CDK5RAP2: variants seen among roughly 807,000 people sequenced by gnomAD.
The protein encoded by CDK5RAP2 is CDK5 regulatory subunit-associated protein 2.
Under a neutral mutation model 232.9 loss-of-function variants are expected in CDK5RAP2, and 147 were observed. The ratio of observed to expected loss-of-function variants is 0.63; its 90% CI spans 0.55 to 0.72. CDK5RAP2 has a LOEUF of 0.72. CDK5RAP2 is among the 30% of genes least tolerant of loss of function. CDK5RAP2 has a pLI of 0.00. For synonymous variants in CDK5RAP2, 833 were observed against 833.7 expected, an observed-to-expected ratio of 1.00 and a Z score of 0.01; for missense variants, 2,195 against 2,231.5, an observed-to-expected ratio of 0.98 and a Z score of 0.33.
chr9:120,568,942 G>T lies in CDK5RAP2; in HGVS notation c.128-554C>A, dbSNP rs116617626. Among the ~76,000 whole-genome samples the T allele has an allele frequency of 9.2e-3, 1,398 of 152,244 alleles. 25 individuals carry two copies. The highest frequency in any genetic ancestry group is 0.032 in the African/African-American group (1,325 of 41,524). On this transcript the variant is annotated intron_variant, in intron 2 of 37. Coordinates refer to ENST00000349780, the MANE Select transcript of CDK5RAP2 (RefSeq NM_018249.6). ...AAGTTTATTTTCAAAAGCAAGCAGT[G>T]GACCGGAAACTGCTGACCTGTTTTA...
chr9:120,407,132 G>C lies in CDK5RAP2; in HGVS notation c.4843C>G (p.Leu1615Val). The C allele has an allele frequency of 6.2e-7, 1 of 1,614,104 alleles. No homozygotes were observed. The highest frequency in any genetic ancestry group is 8.5e-7 in the Non-Finnish European group (1 of 1,180,022). ...LERSIETSST[L>V]QSRLKEQLAR... Reference sequence around the variant, plus strand: ...AGCTGTTCCTTGAGCCTGCTCTGCAGAGTGCTGCTGGTTTCGATGCTCCTT... The same window carrying C: ...AGCTGTTCCTTGAGCCTGCTCTGCACAGTGCTGCTGGTTTCGATGCTCCTT... The change falls in exon 32 of 38, where the codon CTG becomes GTG. Residue 1615 changes from leucine (L) to valine (V), a missense_variant. Physicochemically the swap from Leu to Val is conservative, Grantham distance 32 (BLOSUM62 1). Coordinates refer to ENST00000349780, the MANE Select transcript of CDK5RAP2 (RefSeq NM_018249.6).
At chr9:120,457,595 T>A (rs753272726) in intron 20 of CDK5RAP2, among the ~76,000 whole-genome samples, 7 of 152,218 alleles carry the variant, frequency 4.6e-5, no homozygotes, top group Non-Finnish European at 7.3e-5. Context: ...AACAGAATGC[T>A]TCAATCCCGT....
chr9:120,570,484 G>A (rs1564390716), intron 2 of CDK5RAP2, among the ~76,000 whole-genome samples: 1 of 152,170 alleles, frequency 6.6e-6, no homozygotes, highest in South Asian at 2.1e-4. Flanking sequence ...CACATTTGAG[G>A]TTGAATTTTA....
chr9:120,554,334 A>G (rs1355991640), intron 3 of CDK5RAP2, among the ~76,000 whole-genome samples: 1 of 152,224 alleles, frequency 6.6e-6, no homozygotes, highest in Admixed American at 6.5e-5. Context: ...AGTGCTGATG[A>G]TATTTACTAA....
At chr9:120,431,610 G>A (rs1372197256) in intron 25 of CDK5RAP2, among the ~76,000 whole-genome samples, 1 of 152,156 alleles carries the variant, frequency 6.6e-6, no homozygotes, top group Non-Finnish European at 1.5e-5. Flanking sequence ...AAGGCCCCTG[G>A]CAAAGGCCCC....
chr9:120,452,238 G>GTC (rs373806149), intron 21 of CDK5RAP2, among the ~76,000 whole-genome samples: 9,964 of 142,832 alleles, frequency 0.07, 383 homozygotes, highest in African/African-American at 0.1. Context: ...TATAATGGCA[G>GTC]TCTCTCTCTC....
intron 17 of CDK5RAP2, among the ~76,000 whole-genome samples, chr9:120,469,736 C>G (rs2037584050): frequency 6.6e-6 from 1 of 152,162 alleles, no homozygotes; most frequent in African/African-American, 2.4e-5. Flanking sequence ...TTAAGATGTT[C>G]ACAGCCTAGC....
rs761196443 is a variant in CDK5RAP2, at chr9:120,422,694, T to A, written c.4003A>T (p.Arg1335Trp). 24 of 1,610,518 alleles carry A rather than the reference T, an allele frequency of 1.5e-5. No homozygotes were observed. The South Asian group carries it at 2.3e-4, about 15-fold the overall frequency. The part of the protein sequence containing the change: ...EMNTQNELME[R>W]IEEDNLTYQH... ...TCTTAACAAATGTTACACACTCACCTCTCCATCAGTTCATTCTGGGTGTTC... is the reference window on the plus strand; with the variant it reads ...TCTTAACAAATGTTACACACTCACCACTCCATCAGTTCATTCTGGGTGTTC... Residue 1335 changes from arginine (R) to tryptophan (W), a missense_variant and splice_region_variant, in exon 26 of 38, where the codon AGG (arginine) becomes TGG (tryptophan). By Grantham distance (101) the Arg-to-Trp change is moderately radical (BLOSUM62 -3). Coordinates refer to ENST00000349780, the MANE Select transcript of CDK5RAP2 (RefSeq NM_018249.6).
intron 12 of CDK5RAP2, among the ~76,000 whole-genome samples, chr9:120,504,531 A>G (rs2039720444): frequency 6.6e-6 from 1 of 152,216 alleles, no homozygotes; most frequent in African/African-American, 2.4e-5. Context: ...TGCCTTCTTC[A>G]GAACTCAGCT....
chr9:120,551,646 C>A (rs1449914196), intron 3 of CDK5RAP2, among the ~76,000 whole-genome samples: 2 of 152,260 alleles, frequency 1.3e-5, no homozygotes, highest in South Asian at 4.1e-4. Flanking sequence ...CTTCAAAAAT[C>A]TTAATGGCAA....
chr9:120,463,168 G>A (rs190164572), intron 18 of CDK5RAP2, among the ~76,000 whole-genome samples: 4 of 152,190 alleles, frequency 2.6e-5, no homozygotes, highest in Admixed American at 6.5e-5. Flanking sequence ...TCAGGAGATC[G>A]AGACCATCCT....
intron 12 of CDK5RAP2, among the ~76,000 whole-genome samples, chr9:120,518,210 T>TGAGAGAGA (rs146336954): frequency 1.4e-4 from 6 of 43,934 alleles, no homozygotes; most frequent in African/African-American, 5.0e-4. Flanking sequence ...TGTGTGTGTG[T>TGAGAGAGA]GAGAGAGAGA....
intron 7 of CDK5RAP2, 36 bp from the exon 8 acceptor site, chr9:120,530,176 C>T (rs1274303893): frequency 3.2e-6 from 5 of 1,560,294 alleles, no homozygotes; most frequent in South Asian, 1.1e-5. Flanking sequence ...TAATTCTAAG[C>T]TGTTCTCTTA....
At chr9:120,558,170 C>T (rs1055616074) in intron 3 of CDK5RAP2, among the ~76,000 whole-genome samples, 1 of 147,940 alleles carries the variant, frequency 6.8e-6, no homozygotes, top group African/African-American at 2.5e-5. Flanking sequence ...GTCAAGAGAT[C>T]GAGACCATCC....
At chr9:120,429,512 GC>G in intron 25 of CDK5RAP2, among the ~76,000 whole-genome samples, 1 of 152,172 alleles carries the variant, frequency 6.6e-6, no homozygotes, top group East Asian at 1.9e-4. Context: ...ATTCACAACT[GC>G]TTCAAAGAGA....
chr9:120,421,079 A>G (rs779257176), intron 26 of CDK5RAP2, among the ~76,000 whole-genome samples: 13 of 152,164 alleles, frequency 8.5e-5, no homozygotes, highest in Non-Finnish European at 1.5e-4. Flanking sequence ...CTTCCTTCGA[A>G]GACTCCCTAC....
intron 12 of CDK5RAP2, among the ~76,000 whole-genome samples, chr9:120,514,858 G>A (rs1019255369): frequency 1.3e-5 from 2 of 152,014 alleles, no homozygotes; most frequent in Admixed American, 1.3e-4. Context: ...TTTATCCACA[G>A]CAGCCCAAAA....
Position 120,389,309 on chromosome 9 carries a change from A to G in CDK5RAP2, c.5626-17T>C. On this transcript the variant is annotated splice_polypyrimidine_tract_variant and intron_variant, in intron 37 of 37. Coordinates refer to ENST00000349780, the MANE Select transcript of CDK5RAP2 (RefSeq NM_018249.6). ...AGGCCTAAGCTAGGAAAAGGAAGAA[A>G]AAAAAGGAGAATTTTAAGTCCAAAG... The G allele has an allele frequency of 6.2e-7, 1 of 1,607,408 alleles. No individual in the cohort carries two copies. The highest frequency in any genetic ancestry group is 8.5e-7 in the Non-Finnish European group (1 of 1,175,912).
intron 7 of CDK5RAP2, among the ~76,000 whole-genome samples, chr9:120,535,204 C>T (rs1448849830): frequency 2.0e-5 from 3 of 152,210 alleles, no homozygotes; most frequent in Non-Finnish European, 2.9e-5. Context: ...AATAAATGCT[C>T]GCACCTCCAA....
Sources: gnomAD v4.1 joint callset for allele counts (sites outside exome capture counted in the v4.1 genomes callset) on GRCh38, gnomAD v4.1.1 for gene constraint, MANE v1.5 for transcripts, NCBI Gene and HGNC (gene_info 2026-07-23, HGNC 2026-07-21) for gene names.